Variants in GASK1A observed in about 807,000 individuals in gnomAD.
GASK1A encodes Golgi-associated kinase 1A.
A neutral mutation model predicts 41.2 loss-of-function variants in GASK1A; 40 were observed. That is an observed-to-expected ratio of 0.97 (90% CI 0.75 to 1.27). The LOEUF is 1.27. GASK1A is among the 50% of genes most tolerant of loss of function. GASK1A has a pLI of 0.00. For missense variants in GASK1A, 678 were observed against 745.1 expected (o/e 0.91, Z 1.05); for synonymous variants, 316 against 307.1 (o/e 1.03, Z -0.30).
intron 1 of GASK1A, among the ~76,000 whole-genome samples, chr3:43,017,130 TAGAGGCAGTGTGAAGTCAC>T (rs1342812143): frequency 2.2e-5 from 3 of 139,206 alleles, no homozygotes; most frequent in African/African-American, 5.4e-5. Context: ...AAATCACAGA[TAGAGGCAGTGTGAAGTCAC>T]AGAGGCAGTG....
intron 1 of GASK1A, among the ~76,000 whole-genome samples, chr3:43,031,390 C>T (rs1187545533): frequency 6.6e-6 from 1 of 152,204 alleles, no homozygotes; most frequent in East Asian, 1.9e-4. Flanking sequence ...TCTTAAAACA[C>T]AGGCTGCCCA....
At chr3:43,037,162 C>T (rs986386286) in intron 2 of GASK1A, 2 of 1,077,912 alleles carry the variant, frequency 1.9e-6, no homozygotes, top group Admixed American at 3.7e-5. Flanking sequence ...TATGCTGCTT[C>T]AGTGGAAGAA....
intron 1 of GASK1A, among the ~76,000 whole-genome samples, chr3:43,010,271 G>A (rs2089457025): frequency 6.6e-6 from 1 of 152,176 alleles, no homozygotes; most frequent in Non-Finnish European, 1.5e-5. Flanking sequence ...GTCTGAAAAG[G>A]TGAACTCGTA....
At chr3:42,982,754 C>T (rs533099697) in intron 1 of GASK1A, among the ~76,000 whole-genome samples, 1 of 152,196 alleles carries the variant, frequency 6.6e-6, no homozygotes, top group Non-Finnish European at 1.5e-5. Context: ...TCTATCCAAG[C>T]TCTTACTGTA....
At chr3:43,033,634 G>A in intron 2 of GASK1A, 81 bp downstream of exon 2, 3 of 1,286,154 alleles carry the variant, frequency 2.3e-6, no homozygotes, top group Non-Finnish European at 1.0e-6. Context: ...GCCCACCTGA[G>A]GTTAGATGGT....
chr3:43,049,602 G>GT (rs34050616), intron 2 of GASK1A, among the ~76,000 whole-genome samples: 12 of 151,778 alleles, frequency 7.9e-5, no homozygotes, highest in Admixed American at 2.0e-4. Flanking sequence ...GGCTAAACTT[G>GT]TTTTTTTTAC....
chr3:42,979,490 G>A lies in GASK1A; in HGVS notation c.-153G>A, dbSNP rs1268275497. ...GGCCACTTGGCTGCAGAGAACGTGT[G>A]CACCTTCAGTCCGGGAAACCCGCCC... On this transcript the variant is annotated 5_prime_UTR_variant, in exon 1 of 5. Transcript: ENST00000430121. The A allele has an allele frequency of 1.3e-6, 1 of 760,340 alleles. No homozygotes were observed. The highest frequency in any genetic ancestry group is 1.8e-6 in the Non-Finnish European group (1 of 556,830). 47.1% of individuals were successfully genotyped at this position (760,340 alleles called of 1,614,324 possible). A position where few individuals can be genotyped will look rare whatever the true frequency, so the allele number is the denominator to read the frequency against.
intron 1 of GASK1A, among the ~76,000 whole-genome samples, chr3:43,016,670 A>G (rs2089492971): frequency 6.6e-6 from 1 of 151,808 alleles, no homozygotes; most frequent in African/African-American, 2.4e-5. Flanking sequence ...GGGAAGCCAC[A>G]GCAAGTGGCT....
rs148319833 is a variant in GASK1A at position 43,039,737 on chromosome 3, T to C, written c.1290+6184T>C. 8.6e-3 allele frequency among the ~76,000 whole-genome samples: 1,310 copies of C among 152,296 alleles called. 8 individuals carry two copies. The highest frequency in any genetic ancestry group is 0.014 in the Non-Finnish European group (986 of 68,022). On this transcript the variant is annotated intron_variant, in intron 2 of 4. Transcript: ENST00000430121. ...GGCCCCTGTGATTCCTTTCTTTGTG[T>C]CCATGTGTATTCAGTGTTTAGCTCC... is the stretch of plus-strand genomic sequence containing the variant.
At chr3:43,004,998 C>T (rs1204299093) in intron 1 of GASK1A, among the ~76,000 whole-genome samples, 1 of 152,202 alleles carries the variant, frequency 6.6e-6, no homozygotes, top group Non-Finnish European at 1.5e-5. Flanking sequence ...CACCTGCATT[C>T]CTTGGCTCAT....
At chr3:43,002,696 C>A (rs1355601267) in intron 1 of GASK1A, among the ~76,000 whole-genome samples, 1 of 152,038 alleles carries the variant, frequency 6.6e-6, no homozygotes, top group African/African-American at 2.4e-5. Flanking sequence ...ACATGTTGAA[C>A]TGATAATATT....
At chr3:43,007,619 A>G (rs2089443433) in intron 1 of GASK1A, among the ~76,000 whole-genome samples, 1 of 152,136 alleles carries the variant, frequency 6.6e-6, no homozygotes, top group African/African-American at 2.4e-5. Context: ...TGCTCAGGCC[A>G]TTGCTACTCA....
At chr3:42,992,459 G>A (rs1382512418) in intron 1 of GASK1A, among the ~76,000 whole-genome samples, 4 of 152,198 alleles carry the variant, frequency 2.6e-5, no homozygotes, top group Non-Finnish European at 5.9e-5. Context: ...TCAGTTAATG[G>A]GGGCTGTGAT....
At chr3:43,038,890 G>T (rs2089619742) in intron 2 of GASK1A, among the ~76,000 whole-genome samples, 2 of 152,172 alleles carry the variant, frequency 1.3e-5, no homozygotes, top group South Asian at 4.1e-4. Context: ...CTGACACATG[G>T]ATTGTGCAAG....
Position 43,033,048 on chromosome 3 carries a change from C to T in GASK1A, c.785C>T (p.Thr262Ile). 1 of 1,551,724 alleles carries T rather than the reference C, an allele frequency of 6.4e-7. No homozygotes were observed. The highest frequency in any genetic ancestry group is 8.7e-7 in the Non-Finnish European group (1 of 1,147,008). The change falls in exon 2 of 5, where the codon ACA (threonine) becomes ATA (isoleucine). Residue 262 changes from threonine to isoleucine, a missense_variant. Physicochemically the swap from Thr to Ile is moderately conservative, Grantham distance 89 (BLOSUM62 -1). Coordinates refer to ENST00000430121, the MANE Select transcript of GASK1A (RefSeq NM_001129908.3). Reference sequence around the variant, plus strand: ...GGTGGGCAGGCTCCCCCATGGCTGACAGACCACGATGTGCAGATGCTCCGT... The same window carrying T: ...GGTGGGCAGGCTCCCCCATGGCTGATAGACCACGATGTGCAGATGCTCCGT... ...RTGGQAPPWL[T>I]DHDVQMLRLL...
chr3:43,031,567 G>A (rs1057112877), intron 1 of GASK1A, among the ~76,000 whole-genome samples: 3 of 152,204 alleles, frequency 2.0e-5, no homozygotes, highest in African/African-American at 2.4e-5. Flanking sequence ...AGACCTGAAC[G>A]TAATCCAAGG....
At position 43,010,706 on chromosome 3, in the gene GASK1A, C is replaced by T. The variant is rs973361776; in HGVS notation, c.4-21561C>T. 3.9e-5 allele frequency among the ~76,000 whole-genome samples: 6 copies of T among 152,216 alleles called. No individual in the cohort carries two copies. The East Asian group carries it at 1.2e-3, about 29-fold the overall frequency. On this transcript the variant is annotated intron_variant, in intron 1 of 4. Transcript: ENST00000430121. Reference sequence around the variant, plus strand: ...CCCCACACCCATCCCAACTGAGAACCATCATTTTCTAAGGCTTCTTTTGGT... The same window carrying T: ...CCCCACACCCATCCCAACTGAGAACTATCATTTTCTAAGGCTTCTTTTGGT...
intron 1 of GASK1A, among the ~76,000 whole-genome samples, chr3:42,993,446 C>T (rs570203442): frequency 4.6e-5 from 7 of 152,190 alleles, no homozygotes; most frequent in South Asian, 4.1e-4. Flanking sequence ...TAAAGAAGCA[C>T]GTGTAGGATT....
At chr3:43,046,184 A>T (rs1335065577) in intron 2 of GASK1A, among the ~76,000 whole-genome samples, 6 of 152,204 alleles carry the variant, frequency 3.9e-5, no homozygotes, top group Non-Finnish European at 1.5e-5. Flanking sequence ...AGACAGGGAG[A>T]TGTGGGAAAG....
Sources: allele counts gnomAD v4.1 joint callset (sites outside exome capture counted in the v4.1 genomes callset), GRCh38; gene constraint gnomAD v4.1.1; transcripts MANE v1.5; gene names NCBI Gene and HGNC (gene_info 2026-07-23, HGNC 2026-07-21).